VPS37A: variants seen among roughly 807,000 people sequenced by gnomAD.
VPS37A encodes the protein vacuolar protein sorting-associated protein 37A.
A neutral mutation model predicts 49.8 loss-of-function variants in VPS37A; 30 were observed. The observed-to-expected ratio is 0.60, with a 90% confidence interval of 0.45 to 0.82. VPS37A has a LOEUF of 0.82. VPS37A is among the 40% of genes least tolerant of loss of function. VPS37A has a pLI of 0.00. For missense variants in VPS37A, 593 were observed against 464.4 expected (o/e 1.28, Z -2.55); for synonymous variants, 195 against 160.6 (o/e 1.21, Z -1.62).
At chr8:17,271,962 A>C (rs1311604046) in intron 4 of VPS37A, 1 of 456,038 alleles carries the variant, frequency 2.2e-6, no homozygotes, top group Non-Finnish European at 4.4e-6. Context: ...GCAGTTCTTT[A>C]ATTTCTCTCT....
the VPS37A span, among the ~76,000 whole-genome samples, chr8:17,307,847 A>T: frequency 6.7e-6 from 1 of 149,832 alleles, no homozygotes; most frequent in Admixed American, 6.7e-5. Flanking sequence ...TGAGAACACA[A>T]GGACACAGGA....
the VPS37A span, among the ~76,000 whole-genome samples, chr8:17,324,341 TG>T: frequency 1.3e-5 from 2 of 152,368 alleles, no homozygotes; most frequent in East Asian, 3.9e-4. Context: ...CCTGAGGCTC[TG>T]CATAATCTAC....
intron 1 of VPS37A, among the ~76,000 whole-genome samples, chr8:17,255,061 A>C (rs927005013): frequency 1.3e-5 from 2 of 152,258 alleles, no homozygotes; most frequent in African/African-American, 4.8e-5. Flanking sequence ...CATTCAGAGC[A>C]CAAAACACCC....
intron 1 of VPS37A, chr8:17,265,659 T>A (rs1813379171): frequency 3.2e-6 from 3 of 942,532 alleles, no homozygotes; most frequent in Non-Finnish European, 4.6e-6. Flanking sequence ...TAATGAAGAG[T>A]TTTTTCTTGC....
chr8:17,324,470 A>T, the VPS37A span, among the ~76,000 whole-genome samples: 1 of 152,320 alleles, frequency 6.6e-6, no homozygotes, highest in African/African-American at 2.4e-5. Context: ...ATTCCACCGC[A>T]CATGCATCCA....
chr8:17,251,744 A>G (rs994543958), intron 1 of VPS37A, among the ~76,000 whole-genome samples: 1 of 152,236 alleles, frequency 6.6e-6, no homozygotes, highest in Non-Finnish European at 1.5e-5. Context: ...TCTTGTCCCT[A>G]TCTTTAAAAT....
In VPS37A at chr8:17,297,781, AAGTAC is replaced by A. The variant is rs1434157048; in HGVS notation, c.*2800_*2804del. The A allele has an allele frequency of 1.3e-5, 2 of 152,004 alleles. No individual in the cohort carries two copies. Among genetic ancestry groups the A allele is most frequent in the Non-Finnish European group, 2.9e-5 (2 of 67,892 alleles). The allele number at this position is 152,004 out of a possible 1,614,324, so 9.4% of individuals were successfully genotyped here. A position where few individuals can be genotyped will look rare whatever the true frequency, so the allele number is the denominator to read the frequency against. ...TAGCCATGCTCTGAAGAATCTGTGA[AAGTAC>A]AGTAAAGTTTTAATAAGCAATAAAT... On this transcript the variant is annotated 3_prime_UTR_variant, in exon 12 of 12. Coordinates refer to ENST00000324849, the MANE Select transcript of VPS37A (RefSeq NM_152415.3).
Position 17,280,435 on chromosome 8 carries a change from C to T in VPS37A, c.961C>T (p.Leu321Phe). ...AAAGAAGATGCAAAGGCAGCATGAA[C>T]TTAGTGAGGTAAGACTGTTTATTTT... ...FEKKMQRQHE[L>F]SESCSASALQ... The change falls in exon 9 of 12, where the codon CTT (leucine) becomes TTT (phenylalanine). Residue 321 changes from leucine (L) to phenylalanine (F), a missense_variant. Physicochemically the swap from Leu to Phe is conservative, Grantham distance 22. Transcript: ENST00000324849. 1.2e-6 allele frequency: 2 copies of T among 1,607,254 alleles called. No homozygotes were observed. Among genetic ancestry groups the T allele is most frequent in the South Asian group, 2.2e-5 (2 of 89,364 alleles).
chr8:17,321,712 C>T, the VPS37A span, among the ~76,000 whole-genome samples: 1 of 152,288 alleles, frequency 6.6e-6, no homozygotes, highest in South Asian at 2.1e-4. Flanking sequence ...TTTTGCTGAA[C>T]AAAGTTCATT....
chr8:17,324,356 A>G, the VPS37A span, among the ~76,000 whole-genome samples: 1 of 152,190 alleles, frequency 6.6e-6, no homozygotes, highest in South Asian at 2.1e-4. Context: ...AATCTACCCT[A>G]CAGGGTAGAT....
At chr8:17,258,666 A>G (rs955845120) in intron 1 of VPS37A, among the ~76,000 whole-genome samples, 2 of 144,452 alleles carry the variant, frequency 1.4e-5, no homozygotes, top group African/African-American at 2.9e-5. Flanking sequence ...TCCTTCTTCA[A>G]TTTTTTTGAA....
chr8:17,309,355 G>GA, the VPS37A span: 1 of 1,481,076 alleles, frequency 6.8e-7, no homozygotes, highest in Non-Finnish European at 9.4e-7. Flanking sequence ...AAATATCTTG[G>GA]AGAGAAGCAA....
the VPS37A span, among the ~76,000 whole-genome samples, chr8:17,311,248 T>C: frequency 6.6e-5 from 10 of 152,292 alleles, no homozygotes; most frequent in African/African-American, 2.4e-4. Context: ...CTACCAAATA[T>C]ATTTTATATT....
At chr8:17,247,421 G>GGGCCCC in intron 1 of VPS37A, 52 bp downstream of exon 1, 1 of 163,976 alleles carries the variant, frequency 6.1e-6, no homozygotes. Context: ...GGGAGGGCGG[G>GGGCCCC]CTTGTCCTAA....
At position 17,286,599 on chromosome 8, in the gene VPS37A, T is replaced by C. The variant is rs960712391; in HGVS notation, c.*172T>C. 9.5e-6 allele frequency: 5 copies of C among 526,426 alleles called. No individual in the cohort carries two copies. The African/African-American group carries it at 9.7e-5, about 10-fold the overall frequency. 32.6% of individuals were successfully genotyped at this position (526,426 alleles called of 1,614,324 possible). The stretch of plus-strand genomic sequence containing the variant: ...ATATAATAAGCATAATATAAACATA[T>C]AACTAGTAGAAATCTTTTGGATATT... On this transcript the variant is annotated intron_variant, in intron 11 of 11. Transcript: ENST00000324849.
intron 11 of VPS37A, among the ~76,000 whole-genome samples, chr8:17,288,451 A>C (rs1286933915): frequency 6.6e-6 from 1 of 152,090 alleles, no homozygotes; most frequent in Non-Finnish European, 1.5e-5. Flanking sequence ...ATTCCCACTT[A>C]TGAGTGAGAA....
chr8:17,284,784 G>T (rs1281243210), intron 10 of VPS37A, among the ~76,000 whole-genome samples, 168 bp downstream of exon 10: 2 of 152,042 alleles, frequency 1.3e-5, no homozygotes, highest in African/African-American at 4.8e-5. Flanking sequence ...GTGTGGACTT[G>T]GGCAAAAACC....
intron 11 of VPS37A, among the ~76,000 whole-genome samples, chr8:17,288,726 G>A (rs1452866061): frequency 6.6e-6 from 1 of 152,136 alleles, no homozygotes; most frequent in East Asian, 1.9e-4. Context: ...AATACTTTGG[G>A]TATATACCCA....
chr8:17,284,315 A>T lies in VPS37A; in HGVS notation c.970-158A>T, dbSNP rs535089528. ...GTCTACCCCTATCCAAAAGCTAAGGACCTGGGTGGGGCATTATAAGACAGC... is the reference window on the plus strand; with the variant it reads ...GTCTACCCCTATCCAAAAGCTAAGGTCCTGGGTGGGGCATTATAAGACAGC... On this transcript the variant is annotated intron_variant, in intron 9 of 11. Coordinates refer to ENST00000324849, the MANE Select transcript of VPS37A (RefSeq NM_152415.3). Among the ~76,000 whole-genome samples, 195 of 152,326 alleles carry T rather than the reference A, an allele frequency of 1.3e-3. 2 individuals carry two copies. Among genetic ancestry groups the T allele is most frequent in the Middle Eastern group, 3.4e-3 (1 of 294 alleles).
Sources: allele counts gnomAD v4.1 joint callset (sites outside exome capture counted in the v4.1 genomes callset), GRCh38; gene constraint gnomAD v4.1.1; transcripts MANE v1.5; gene names NCBI Gene and HGNC (gene_info 2026-07-23, HGNC 2026-07-21).